The following CBLB variants were observed in gnomAD, a reference collection of about 807,000 sequenced individuals.
The protein encoded by CBLB is Cbl proto-oncogene B.
CBLB carries 31 observed loss-of-function variants against 104.9 expected under a neutral mutation model. The observed-to-expected ratio is 0.30, with a 90% CI of 0.22 to 0.40. The LOEUF (loss-of-function observed/expected upper bound fraction) is 0.40. Among genes scored for constraint, CBLB ranks in the 10% least tolerant of loss-of-function variants. The pLI is 1.00. For synonymous variants in CBLB, 440 were observed against 422.6 expected, an observed-to-expected ratio of 1.04 and a Z score of -0.51; for missense variants, 1,062 against 1,214.6, an observed-to-expected ratio of 0.87 and a Z score of 1.87.
chr3:105,702,541 G>T, intron 11 of CBLB, 82 bp from the exon 12 acceptor site: 2 of 1,358,138 alleles, frequency 1.5e-6, no homozygotes, highest in South Asian at 1.4e-5. Flanking sequence ...CCAAACTAGT[G>T]TATTATTGCT....
intron 5 of CBLB, among the ~76,000 whole-genome samples, chr3:105,746,607 T>C (rs1004012042): frequency 6.6e-6 from 1 of 152,220 alleles, no homozygotes; most frequent in African/African-American, 2.4e-5. Flanking sequence ...ATCTCATTCC[T>C]GTCTCCAAAT....
intron 13 of CBLB, among the ~76,000 whole-genome samples, chr3:105,686,191 A>C (rs2066976877): frequency 6.6e-6 from 1 of 152,212 alleles, no homozygotes; most frequent in Admixed American, 6.5e-5. Flanking sequence ...CTTATCCATA[A>C]GAGTAAATAA....
At chr3:105,814,685 T>C (rs949850114) in intron 3 of CBLB, among the ~76,000 whole-genome samples, 1 of 152,210 alleles carries the variant, frequency 6.6e-6, no homozygotes, top group African/African-American at 2.4e-5. Context: ...TTCTTACTTA[T>C]ACTACTACAA....
At chr3:105,703,646 A>G (rs2069602637) in intron 11 of CBLB, among the ~76,000 whole-genome samples, 1 of 152,214 alleles carries the variant, frequency 6.6e-6, no homozygotes, top group South Asian at 2.1e-4. Flanking sequence ...ATGGCACTAT[A>G]AAAATGAGCG....
At chr3:105,861,783 C>T (rs977571961) in intron 2 of CBLB, among the ~76,000 whole-genome samples, 1 of 151,870 alleles carries the variant, frequency 6.6e-6, no homozygotes, top group Non-Finnish European at 1.5e-5. Flanking sequence ...CCTTCCTTTT[C>T]ATTGTTGTTA....
chr3:105,855,238 G>C (rs930017488), intron 2 of CBLB, among the ~76,000 whole-genome samples: 3 of 152,214 alleles, frequency 2.0e-5, no homozygotes, highest in Admixed American at 6.5e-5. Flanking sequence ...GAGTAGAACA[G>C]TGGGTGGGCC....
At chr3:105,852,878 G>A (rs754594461) in intron 3 of CBLB, among the ~76,000 whole-genome samples, 23 of 151,756 alleles carry the variant, frequency 1.5e-4, no homozygotes, top group African/African-American at 4.6e-4. Context: ...CCACCACGCC[G>A]GGCTAATTTT....
chr3:105,737,932 G>A (rs1385457179), intron 7 of CBLB, among the ~76,000 whole-genome samples: 2 of 152,132 alleles, frequency 1.3e-5, no homozygotes. Context: ...TATTATCAGG[G>A]AAAACTGAAA....
intron 3 of CBLB, among the ~76,000 whole-genome samples, chr3:105,813,615 G>T (rs56344829): frequency 6.6e-6 from 1 of 151,936 alleles, no homozygotes; most frequent in East Asian, 1.9e-4. Context: ...AGTCTTTAAA[G>T]GTTTGTAAGG....
At chr3:105,718,685 T>G (rs2072287959) in intron 10 of CBLB, among the ~76,000 whole-genome samples, 1 of 152,226 alleles carries the variant, frequency 6.6e-6, no homozygotes, top group Admixed American at 6.5e-5. Flanking sequence ...TCTTCAGGGC[T>G]GTGTTGAAAG....
At chr3:105,770,310 G>A (rs1048699502) in intron 4 of CBLB, among the ~76,000 whole-genome samples, 3 of 152,150 alleles carry the variant, frequency 2.0e-5, no homozygotes, top group Admixed American at 1.3e-4. Context: ...GAGAGGGGAA[G>A]AGTCTGCCTC....
intron 16 of CBLB, 40 bp downstream of exon 16, chr3:105,681,439 G>A (rs771031926): frequency 2.4e-5 from 39 of 1,599,972 alleles, no homozygotes; most frequent in Non-Finnish European, 3.3e-5. Context: ...ATTAAAAGAA[G>A]GAGGGGTGGG....
chr3:105,781,708 A>G (rs1475863991), intron 3 of CBLB, among the ~76,000 whole-genome samples: 1 of 152,252 alleles, frequency 6.6e-6, no homozygotes, highest in East Asian at 1.9e-4. Flanking sequence ...AGGAGGAAAT[A>G]AAAAGCTTTA....
Position 105,736,129 on chromosome 3 carries a change from T to G in CBLB, c.1071+1042A>C, listed in dbSNP as rs184545878. On this transcript the variant is annotated intron_variant, in intron 8 of 18. Coordinates refer to ENST00000394030, the MANE Select transcript of CBLB (RefSeq NM_170662.5). ...GTAATTCTTCTCTTGTTTTTTCCCT[T>G]AGATTTTTATTACTTATTACACAAG... Among the ~76,000 whole-genome samples the G allele has an allele frequency of 2.7e-3, 414 of 152,292 alleles. 8 individuals are homozygous for G. The highest frequency in any genetic ancestry group is 0.023 in the Admixed American group (355 of 15,298).
intron 2 of CBLB, among the ~76,000 whole-genome samples, chr3:105,863,254 C>A (rs1453927347): frequency 6.6e-6 from 1 of 152,132 alleles, no homozygotes; most frequent in African/African-American, 2.4e-5. Flanking sequence ...AAGTCATGTA[C>A]CAAACTTTGG....
chr3:105,661,424 T>C (rs1235488023), intron 18 of CBLB, among the ~76,000 whole-genome samples: 1 of 152,198 alleles, frequency 6.6e-6, no homozygotes, highest in Non-Finnish European at 1.5e-5. Flanking sequence ...ATTGAAAGCT[T>C]TCCTTTAATC....
chr3:105,810,867 T>C (rs1418389130), intron 3 of CBLB, among the ~76,000 whole-genome samples: 1 of 152,116 alleles, frequency 6.6e-6, no homozygotes, highest in Non-Finnish European at 1.5e-5. Context: ...CCTGATCAAT[T>C]TTAGACCGTA....
intron 16 of CBLB, among the ~76,000 whole-genome samples, chr3:105,680,107 A>G (rs1469785815): frequency 6.6e-6 from 1 of 152,212 alleles, no homozygotes; most frequent in Non-Finnish European, 1.5e-5. Flanking sequence ...TGGTCCCATA[A>G]AAGAGACATA....
chr3:105,785,134 A>T (rs2080822249), intron 3 of CBLB, among the ~76,000 whole-genome samples: 1 of 152,234 alleles, frequency 6.6e-6, no homozygotes, highest in African/African-American at 2.4e-5. Context: ...CATCTTTGTT[A>T]GAGAAGAAAA....
Sources: gnomAD v4.1 joint callset for allele counts (sites outside exome capture counted in the v4.1 genomes callset) on GRCh38, gnomAD v4.1.1 for gene constraint, MANE v1.5 for transcripts, NCBI Gene and HGNC (gene_info 2026-07-23, HGNC 2026-07-21) for gene names.